CPNE5: variants seen among roughly 807,000 people sequenced by gnomAD.
The protein encoded by CPNE5 is copine-5.
A neutral mutation model predicts 81.1 loss-of-function variants in CPNE5; 42 were observed. The observed-to-expected ratio is 0.52, with a 90% confidence interval of 0.40 to 0.67. The LOEUF (loss-of-function observed/expected upper bound fraction) is 0.67, where lower values mean the gene tolerates loss of function less well. CPNE5 is among the 30% of genes least tolerant of loss of function. The pLI, the probability that CPNE5 is intolerant of heterozygous loss-of-function variation, is 0.00. For synonymous variants in CPNE5, 313 were observed against 321.5 expected, an observed-to-expected ratio of 0.97 and a Z score of 0.28; for missense variants, 612 against 815.5, an observed-to-expected ratio of 0.75 and a Z score of 3.04.
chr6:36,762,932 T>C lies in CPNE5; in HGVS notation c.840A>G (p.Gln280=), dbSNP rs1766195125. Residue 280 remains glutamine (Q), a synonymous_variant, in exon 12 of 21, where the codon CAA becomes CAG. Transcript: ENST00000244751. The part of the protein sequence containing the change: ...SYRELARGQS[Q]FNIYEVVNPK... Reference sequence around the variant, plus strand: ...CCCACCTCACCTCATAGATGTTGAATTGGCTCTGCCCACGGGCCAGCTCCC... The same window carrying C: ...CCCACCTCACCTCATAGATGTTGAACTGGCTCTGCCCACGGGCCAGCTCCC... 1.2e-6 allele frequency: 2 copies of C among 1,614,062 alleles called. No homozygotes were observed. Among genetic ancestry groups the C allele is most frequent in the Non-Finnish European group, 8.5e-7 (1 of 1,180,018 alleles).
At position 36,794,667 on chromosome 6, in the gene CPNE5, G is replaced by A. The variant is rs889837508; in HGVS notation, c.405-18C>T. On this transcript the variant is annotated intron_variant, in intron 6 of 20. Coordinates refer to ENST00000244751, the MANE Select transcript of CPNE5 (RefSeq NM_020939.2). ...CGCCTATCCTGTGGAGAGAGAGGGG[G>A]AGAGAGAGCATGCCATGAGCTGAGT... 6.2e-7 allele frequency: 1 copy of A among 1,612,944 alleles called. No individual in the cohort carries two copies. Among genetic ancestry groups the A allele is most frequent in the East Asian group, 2.2e-5 (1 of 44,852 alleles).
intron 8 of CPNE5, among the ~76,000 whole-genome samples, chr6:36,782,582 T>A (rs1768126944): frequency 6.6e-6 from 1 of 151,786 alleles, no homozygotes; most frequent in Admixed American, 6.6e-5. Context: ...AGGTGGTGGA[T>A]CACCTGAGCT....
intron 8 of CPNE5, among the ~76,000 whole-genome samples, chr6:36,782,377 C>T (rs1463286791): frequency 6.6e-6 from 1 of 152,186 alleles, no homozygotes; most frequent in African/African-American, 2.4e-5. Flanking sequence ...CTAGGAACCC[C>T]TCAGGCCCTG....
chr6:36,748,068 G>T (rs1362280382), intron 15 of CPNE5, among the ~76,000 whole-genome samples, 153 bp downstream of exon 15: 1 of 152,208 alleles, frequency 6.6e-6, no homozygotes, highest in Non-Finnish European at 1.5e-5. Flanking sequence ...TGCCATCTTG[G>T]TTGTATCTTT....
intron 3 of CPNE5, among the ~76,000 whole-genome samples, chr6:36,818,458 TC>T (rs1373119966): frequency 6.6e-6 from 1 of 152,144 alleles, no homozygotes. Flanking sequence ...CATAAATGCT[TC>T]CTGTTGCAAA....
chr6:36,798,516 G>A (rs1455562098), intron 4 of CPNE5, 22 bp from the exon 5 acceptor site: 9 of 1,612,842 alleles, frequency 5.6e-6, no homozygotes, highest in Non-Finnish European at 7.6e-6. Context: ...ACAGAGAAAC[G>A]ATGAAGGCAG....
At chr6:36,749,989 A>G (rs1764629060) in intron 14 of CPNE5, among the ~76,000 whole-genome samples, 2 of 152,210 alleles carry the variant, frequency 1.3e-5, no homozygotes, top group African/African-American at 4.8e-5. Context: ...GTGAGCATAG[A>G]ATCACTACGG....
intron 12 of CPNE5, among the ~76,000 whole-genome samples, chr6:36,762,335 C>G (rs116037244): frequency 6.6e-6 from 1 of 150,628 alleles, no homozygotes; most frequent in Non-Finnish European, 1.5e-5. Context: ...TGCGCACACA[C>G]GCAAATACAT....
chr6:36,745,217 G>A (rs1265135250), intron 17 of CPNE5, 67 bp from the exon 18 acceptor site: 1 of 1,477,928 alleles, frequency 6.8e-7, no homozygotes, highest in East Asian at 2.3e-5. Flanking sequence ...CCCTAAACAA[G>A]GACCCTGAAC....
intron 8 of CPNE5, among the ~76,000 whole-genome samples, chr6:36,784,136 C>T (rs899014937): frequency 6.6e-6 from 1 of 152,262 alleles, no homozygotes; most frequent in Non-Finnish European, 1.5e-5. Flanking sequence ...CTTTCTCCCT[C>T]TAACCCTGAT....
At chr6:36,800,851 C>T (rs1009895496) in intron 3 of CPNE5, among the ~76,000 whole-genome samples, 1 of 152,232 alleles carries the variant, frequency 6.6e-6, no homozygotes, top group Non-Finnish European at 1.5e-5. Flanking sequence ...GATGAGGCCC[C>T]AGGCTAATAC....
At chr6:36,795,325 C>T (rs1021683926) in intron 6 of CPNE5, among the ~76,000 whole-genome samples, 8 of 152,022 alleles carry the variant, frequency 5.3e-5, no homozygotes, top group African/African-American at 1.4e-4. Context: ...ACTACAGGCA[C>T]GCACCACCAT....
chr6:36,828,308 C>CAAA (rs11444450), intron 1 of CPNE5, among the ~76,000 whole-genome samples: 15 of 78,584 alleles, frequency 1.9e-4, no homozygotes, highest in East Asian at 1.4e-3. Flanking sequence ...AACAACAAAC[C>CAAA]AAAAAAAAAA....
At chr6:36,784,014 A>T (rs532954944) in intron 8 of CPNE5, among the ~76,000 whole-genome samples, 3 of 152,342 alleles carry the variant, frequency 2.0e-5, no homozygotes, top group African/African-American at 7.2e-5. Flanking sequence ...GAAGTCAGAG[A>T]AGTGTGAAAT....
intron 14 of CPNE5, among the ~76,000 whole-genome samples, chr6:36,751,872 A>G (rs77744535): frequency 0.082 from 12,447 of 152,162 alleles, 626 homozygotes; most frequent in Non-Finnish European, 0.11. Context: ...GAGAGTTACC[A>G]GGTGCTATGG....
intron 1 of CPNE5, among the ~76,000 whole-genome samples, chr6:36,835,354 T>A (rs962418169): frequency 2.0e-5 from 3 of 152,070 alleles, no homozygotes; most frequent in Admixed American, 1.3e-4. Context: ...GCTCACACAG[T>A]CAGGAAGGGT....
At chr6:36,798,278 C>T in intron 5 of CPNE5, 37 bp from the exon 6 acceptor site, 1 of 1,588,950 alleles carries the variant, frequency 6.3e-7, no homozygotes. Flanking sequence ...CAGTGTCACC[C>T]ACTCTGCTCA....
intron 1 of CPNE5, among the ~76,000 whole-genome samples, chr6:36,838,271 C>A (rs1008412939): frequency 5.9e-5 from 9 of 152,200 alleles, no homozygotes; most frequent in Non-Finnish European, 1.3e-4. Flanking sequence ...TGGGTGATTT[C>A]GAACAAGGGC....
chr6:36,758,441 A>G (rs1342029391), intron 12 of CPNE5, among the ~76,000 whole-genome samples: 3 of 142,108 alleles, frequency 2.1e-5, no homozygotes, highest in African/African-American at 8.8e-5. Context: ...TAGAGATAGG[A>G]TCTCGCTATG....
Sources: allele counts gnomAD v4.1 joint callset (sites outside exome capture counted in the v4.1 genomes callset), GRCh38; gene constraint gnomAD v4.1.1; transcripts MANE v1.5; gene names NCBI Gene and HGNC (gene_info 2026-07-23, HGNC 2026-07-21).